MMP10: variants seen among roughly 807,000 people sequenced by gnomAD.
MMP10 encodes matrix metallopeptidase 10.
In MMP10, 50 loss-of-function variants were observed where a neutral mutation model predicts 49.1. The ratio of observed to expected loss-of-function variants is 1.02; its 90% CI spans 0.81 to 1.29. MMP10 has a LOEUF of 1.29. Ranked by LOEUF, MMP10 falls within the 50% of genes most tolerant of loss-of-function variation. The pLI, the probability that MMP10 is intolerant of heterozygous loss-of-function variation, is 0.00. For synonymous variants in MMP10, 229 were observed against 201.6 expected (o/e 1.14, Z -1.15); for missense variants, 613 against 563.8 (o/e 1.09, Z -0.88).
intron 7 of MMP10, among the ~76,000 whole-genome samples, chr11:102,773,540 C>T (rs751579056): frequency 9.2e-5 from 14 of 152,372 alleles, no homozygotes; most frequent in Middle Eastern, 3.4e-3. Context: ...CTTCTTCGCA[C>T]TCACTGCCAG....
intron 7 of MMP10, among the ~76,000 whole-genome samples, chr11:102,773,236 A>G (rs1861992155): frequency 1.3e-5 from 2 of 152,150 alleles, no homozygotes; most frequent in Admixed American, 1.3e-4. Flanking sequence ...ATATATTTGT[A>G]TCTATATGTT....
Position 102,772,964 on chromosome 11 carries a change from C to T in MMP10, c.1109G>A (p.Gly370Asp), listed in dbSNP as rs779264298. ...WAIRGNEVQA[G>D]YPRGIHTLGF... ...CAGGGTATGGATGCCTCTTGGATAA[C>T]CTGCTTGTACCTCATTTCCTCTGAT... The change falls in exon 8 of 10, where the codon GGT becomes GAT. Residue 370 changes from glycine to aspartate, a missense_variant. Physicochemically the swap from Gly to Asp is moderately conservative, Grantham distance 94 (BLOSUM62 -1). Coordinates refer to ENST00000279441, the MANE Select transcript of MMP10 (RefSeq NM_002425.3). The surrounding 1 kb of genome is among the most constrained non-coding windows in gnomAD (Gnocchi z 4.4). The T allele has an allele frequency of 2.0e-5, 32 of 1,612,162 alleles. No individual in the cohort carries two copies. The highest frequency in any genetic ancestry group is 2.5e-5 in the Non-Finnish European group (29 of 1,179,204).
intron 7 of MMP10, 78 bp downstream of exon 7, chr11:102,775,110 A>G (rs1316258229): frequency 9.0e-7 from 1 of 1,116,936 alleles, no homozygotes; most frequent in Non-Finnish European, 1.2e-6. Flanking sequence ...ACTTTAATAT[A>G]ATGGATAAAA....
In MMP10 at chr11:102,779,542, A is replaced by G; in HGVS notation, c.309T>C (p.Pro103=). 1 of 1,614,084 alleles carries G rather than the reference A, an allele frequency of 6.2e-7. No individual in the cohort carries two copies. Among genetic ancestry groups the G allele is most frequent in the Non-Finnish European group, 8.5e-7 (1 of 1,180,018 alleles). Residue 103 remains proline (P), a synonymous_variant, in exon 2 of 10, where the codon CCT becomes CCC. Transcript: ENST00000279441. ...VPDVGHFSSF[P]GMPKWRKTHL... ...GGGTTTTCCTCCACTTCGGCATGCC[A>G]GGAAAGGAGCTGAAGTGACCAACGT...
rs756210031 is a variant in MMP10, at chr11:102,772,864, T to G, written c.1209A>C (p.Ala403=). 2.5e-6 allele frequency: 4 copies of G among 1,612,334 alleles called. No homozygotes were observed. Among genetic ancestry groups the G allele is most frequent in the Non-Finnish European group, 3.4e-6 (4 of 1,179,390 alleles). The change falls in exon 8 of 10, where the codon GCA becomes GCC. Residue 403 remains alanine, a synonymous_variant. Coordinates refer to ENST00000279441, the MANE Select transcript of MMP10 (RefSeq NM_002425.3). This position sits in a 1 kb window ranked among gnomAD's most constrained non-coding sequence, Gnocchi z 4.4. ...DKEKKKTYFF[A]ADKYWRFDEN... ...CATCTCACCTCCAGTATTTGTCCGCTGCAAAGAAGTATGTTTTCTTCTTTT... is the reference window on the plus strand; with the variant it reads ...CATCTCACCTCCAGTATTTGTCCGCGGCAAAGAAGTATGTTTTCTTCTTTT...
At chr11:102,780,369 T>C (rs1857812604) in intron 1 of MMP10, 118 bp downstream of exon 1, 1 of 769,848 alleles carries the variant, frequency 1.3e-6, no homozygotes, top group Non-Finnish European at 2.2e-6. Flanking sequence ...AATTATTCTC[T>C]GATGCTACAG....
chr11:102,778,115 G>GA (rs17860961), intron 4 of MMP10, among the ~76,000 whole-genome samples: 2 of 152,140 alleles, frequency 1.3e-5, no homozygotes, highest in African/African-American at 4.8e-5. Context: ...AATTTAGGGC[G>GA]AAAAAAACCC....
chr11:102,775,175 A>G lies in MMP10; in HGVS notation c.1066+13T>C, dbSNP rs1862009615. ...TTTATTCCAGCAAGTTGAAATTCTT[A>G]TATAGTACTCACCTTTAAAAATAAA... On this transcript the variant is annotated intron_variant, in intron 7 of 9. Coordinates refer to ENST00000279441, the MANE Select transcript of MMP10 (RefSeq NM_002425.3). 3.9e-6 allele frequency: 6 copies of G among 1,543,084 alleles called. No homozygotes were observed. The highest frequency in any genetic ancestry group is 5.2e-6 in the Non-Finnish European group (6 of 1,145,142).
Position 102,779,583 on chromosome 11 carries a change from T to C in MMP10, c.268A>G (p.Arg90Gly). ...TGACCAACGTCAGGAACTCCACACC[T>C]GGGCTTGCGCATCACCTCCAGAGTG... ...TDTLEVMRKPRCGVPDVGHFS... is the reference protein window; with the variant it reads ...TDTLEVMRKPGCGVPDVGHFS... Residue 90 changes from arginine to glycine, a missense_variant, in exon 2 of 10, where the codon AGG becomes GGG. By Grantham distance (125) the Arg-to-Gly change is moderately radical. Coordinates refer to ENST00000279441, the MANE Select transcript of MMP10 (RefSeq NM_002425.3). 1 of 1,614,080 alleles carries C rather than the reference T, an allele frequency of 6.2e-7. No individual in the cohort carries two copies. Among genetic ancestry groups the C allele is most frequent in the Non-Finnish European group, 8.5e-7 (1 of 1,180,008 alleles).
In MMP10 at chr11:102,772,050, C is replaced by T. The variant is rs140778053; in HGVS notation, c.1292G>A (p.Gly431Glu). The change falls in exon 9 of 10, where the codon GGA becomes GAA. Residue 431 changes from glycine to glutamate, a missense_variant. Transcript: ENST00000279441. The surrounding 1 kb of genome is among the most constrained non-coding windows in gnomAD (Gnocchi z 4.4). ...TACAGCATCAACCTTAGGCTCAACT[C>T]CTGGAAAGTCATCAGCTATTAGTCT... ...FPRLIADDFP[G>E]VEPKVDAVLQ... The T allele has an allele frequency of 8.1e-6, 13 of 1,613,706 alleles. No homozygotes were observed. The East Asian group carries it at 2.7e-4, about 33-fold the overall frequency.
At chr11:102,773,373 T>A (rs1217689919) in intron 7 of MMP10, among the ~76,000 whole-genome samples, 1 of 152,204 alleles carries the variant, frequency 6.6e-6, no homozygotes, top group Non-Finnish European at 1.5e-5. Context: ...ATTGGACACT[T>A]CCTTTGAGAT....
chr11:102,776,563 G>T, intron 5 of MMP10, 49 bp downstream of exon 5: 1 of 1,588,968 alleles, frequency 6.3e-7, no homozygotes, highest in South Asian at 1.1e-5. Flanking sequence ...GCTTTCTGGA[G>T]GACTGTCATT....
At position 102,776,769 on chromosome 11, in the gene MMP10, A is replaced by G. The variant is rs769499816; in HGVS notation, c.630T>C (p.Asn210=). ...EKWTEDASGT[N]LFLVAAHELG... The stretch of plus-strand genomic sequence containing the variant: ...GTTCATGAGCAGCAACGAGGAATAA[A>G]TTGGTGCCTGTATGAAAATCATAAA... Residue 210 remains asparagine (N), a synonymous_variant, in exon 5 of 10, where the codon AAT becomes AAC. Coordinates refer to ENST00000279441, the MANE Select transcript of MMP10 (RefSeq NM_002425.3). 4 of 1,613,814 alleles carry G rather than the reference A, an allele frequency of 2.5e-6. No homozygotes were observed. The highest frequency in any genetic ancestry group is 3.4e-6 in the Non-Finnish European group (4 of 1,179,878).
chr11:102,778,586 A>C (rs202231118), intron 4 of MMP10, 38 bp downstream of exon 4: 2 of 1,609,364 alleles, frequency 1.2e-6, no homozygotes, highest in Admixed American at 1.7e-5. Context: ...AGGATTGGAC[A>C]TTATTCCTGA....
At chr11:102,773,597 G>A (rs756970585) in intron 7 of MMP10, among the ~76,000 whole-genome samples, 26 of 152,162 alleles carry the variant, frequency 1.7e-4, no homozygotes, top group Non-Finnish European at 2.6e-4. Context: ...CTCTTGCTTC[G>A]TCTGAACCGA....
Position 102,779,663 on chromosome 11 carries a change from A to G in MMP10, c.188T>C (p.Ile63Thr), listed in dbSNP as rs1857798024. 6.2e-7 allele frequency: 1 copy of G among 1,613,950 alleles called. No homozygotes were observed. The highest frequency in any genetic ancestry group is 1.6e-4 in the Middle Eastern group (1 of 6,062). ...CCCAAGGAACTTCTGCATTCCTTGG[A>G]TTTTTTTAACAATGAGATTACTGTC... Reference protein sequence around the residue: ...RKDSNLIVKKIQGMQKFLGLE... With the variant: ...RKDSNLIVKKTQGMQKFLGLE... The change falls in exon 2 of 10, where the codon ATC (isoleucine) becomes ACC (threonine). Residue 63 changes from isoleucine to threonine, a missense_variant. Physicochemically the swap from Ile to Thr is moderately conservative, Grantham distance 89. Transcript: ENST00000279441.
chr11:102,779,473 A>G (rs149885119), intron 2 of MMP10, 31 bp downstream of exon 2: 1 of 1,612,394 alleles, frequency 6.2e-7, no homozygotes, highest in African/African-American at 1.3e-5. Flanking sequence ...TAAGGTTTCA[A>G]TATTATGTGA....
At position 102,779,658 on chromosome 11, in the gene MMP10, C is replaced by T. The variant is rs17293607; in HGVS notation, c.193G>A (p.Gly65Arg). The T allele has an allele frequency of 0.13, 209,496 of 1,613,726 alleles. 15,045 individuals carry two copies. Among genetic ancestry groups the T allele is most frequent in the Middle Eastern group, 0.17 (1,024 of 6,060 alleles). ...DSNLIVKKIQ[G>R]MQKFLGLEVT... ...TCCAACCCAAGGAACTTCTGCATTC[C>T]TTGGATTTTTTTAACAATGAGATTA... The change falls in exon 2 of 10, where the codon GGA becomes AGA. Residue 65 changes from glycine to arginine, a missense_variant. By Grantham distance (125) the Gly-to-Arg change is moderately radical. Coordinates refer to ENST00000279441, the MANE Select transcript of MMP10 (RefSeq NM_002425.3).
chr11:102,779,819 A>G, intron 1 of MMP10, 74 bp from the exon 2 acceptor site: 1 of 1,495,284 alleles, frequency 6.7e-7, no homozygotes, highest in East Asian at 2.3e-5. Context: ...ATCCATCGTA[A>G]TTTTCCTCTA....
Sources: allele counts gnomAD v4.1 joint callset (sites outside exome capture counted in the v4.1 genomes callset), GRCh38; gene constraint gnomAD v4.1.1; non-coding constraint Gnocchi (gnomAD v3.1); transcripts MANE v1.5; gene names NCBI Gene and HGNC (gene_info 2026-07-23, HGNC 2026-07-21).